The following THSD7B variants were observed in gnomAD, a reference collection of about 807,000 sequenced individuals.
The protein encoded by THSD7B is thrombospondin type-1 domain-containing protein 7B.
In THSD7B, 138 loss-of-function variants were observed where a neutral mutation model predicts 213.6. The observed-to-expected ratio is 0.65, with a 90% CI of 0.56 to 0.74. The LOEUF is 0.74. Ranked by LOEUF, THSD7B falls within the 30% of genes least tolerant of loss-of-function variation. The probability of loss-of-function intolerance (pLI) is 0.00; values close to 1 mark genes in which losing one functional copy is unlikely to be tolerated. For synonymous variants in THSD7B, 742 were observed against 687.0 expected, an observed-to-expected ratio of 1.08 and a Z score of -1.25; for missense variants, 1,931 against 1,991.5, an observed-to-expected ratio of 0.97 and a Z score of 0.58.
rs147205238 is a variant in THSD7B, at chr2:137,272,727, A to T, written c.2396+65A>T. ...TAAATTATAACCTATTTTCTTTCAC[A>T]TAACATATGGTCGTTTGGTGAAAAA... On this transcript the variant is annotated intron_variant, in intron 11 of 27. Coordinates refer to ENST00000409968, the MANE Select transcript of THSD7B (RefSeq NM_001316349.2). 2.5e-5 allele frequency: 39 copies of T among 1,539,248 alleles called. No homozygotes were observed. In the African/African-American group the frequency reaches 5.4e-4, roughly 21 times the overall value.
chr2:137,605,376 C>T (rs1180456834), intron 17 of THSD7B, among the ~76,000 whole-genome samples: 1 of 152,028 alleles, frequency 6.6e-6, no homozygotes, highest in Non-Finnish European at 1.5e-5. Context: ...ACTCAGAGGC[C>T]AGTGTGAGGA....
At chr2:137,026,376 C>A (rs1686556737) in intron 2 of THSD7B, among the ~76,000 whole-genome samples, 1 of 152,144 alleles carries the variant, frequency 6.6e-6, no homozygotes, top group African/African-American at 2.4e-5. Context: ...CTTCCATGGC[C>A]ACATCTGAAG....
chr2:137,363,564 C>T lies in THSD7B; in HGVS notation c.2501-42049C>T, dbSNP rs189976325. On this transcript the variant is annotated intron_variant, in intron 12 of 27. Transcript: ENST00000409968. ...AAAATGATAAAGGGGATATCACCAC[C>T]GATCCCACAGAAATACAAACTACCA... Among the ~76,000 whole-genome samples, 731 of 152,068 alleles carry T rather than the reference C, an allele frequency of 4.8e-3. 3 individuals carry two copies. The highest frequency in any genetic ancestry group is 0.015 in the African/African-American group (629 of 41,486).
At chr2:137,072,556 C>A (rs1458358272) in intron 3 of THSD7B, among the ~76,000 whole-genome samples, 1 of 152,124 alleles carries the variant, frequency 6.6e-6, no homozygotes, top group African/African-American at 2.4e-5. Context: ...CAAATAGGGA[C>A]AATTTGACTT....
intron 12 of THSD7B, among the ~76,000 whole-genome samples, chr2:137,373,712 A>G (rs1685587538): frequency 6.6e-6 from 1 of 152,050 alleles, no homozygotes; most frequent in Admixed American, 6.6e-5. Context: ...ATTAGATTCG[A>G]TTTGTCAATT....
At chr2:137,361,139 C>G (rs1429182003) in intron 12 of THSD7B, among the ~76,000 whole-genome samples, 3 of 152,144 alleles carry the variant, frequency 2.0e-5, no homozygotes, top group Non-Finnish European at 4.4e-5. Flanking sequence ...GCTGAGGGAC[C>G]TGACTGTTAG....
chr2:137,656,886 C>T lies in THSD7B; in HGVS notation c.4196C>T (p.Ser1399Phe). ...AGCTTTGAGACTGTGGGCCGCCAGT[C>T]TAGATCAAGGACTTTTATAATTCAG... ...GRSFETVGRQ[S>F]RSRTFIIQSF... The change falls in exon 23 of 28, where the codon TCT becomes TTT. Residue 1399 changes from serine to phenylalanine, a missense_variant. Ser to Phe is a radical substitution (Grantham distance 155). Coordinates refer to ENST00000409968, the MANE Select transcript of THSD7B (RefSeq NM_001316349.2). 6.2e-7 allele frequency: 1 copy of T among 1,614,030 alleles called. No individual in the cohort carries two copies. The highest frequency in any genetic ancestry group is 8.5e-7 in the Non-Finnish European group (1 of 1,179,896).
At chr2:136,997,854 C>T (rs367784288) in intron 2 of THSD7B, among the ~76,000 whole-genome samples, 8 of 152,068 alleles carry the variant, frequency 5.3e-5, no homozygotes, top group African/African-American at 1.7e-4. Flanking sequence ...TGGGACCCTA[C>T]CACACAGGCC....
intron 12 of THSD7B, among the ~76,000 whole-genome samples, chr2:137,317,478 T>C (rs1190687927): frequency 6.6e-6 from 1 of 152,206 alleles, no homozygotes; most frequent in Non-Finnish European, 1.5e-5. Flanking sequence ...AAACAAATCA[T>C]AAGTACTCTA....
chr2:137,620,567 A>G (rs924846408), intron 19 of THSD7B, 42 bp from the exon 20 acceptor site: 1 of 1,481,616 alleles, frequency 6.7e-7, no homozygotes, highest in Non-Finnish European at 9.4e-7. Context: ...TTGACTAAAG[A>G]GTGATTTCTC....
At chr2:137,599,721 C>T (rs1682039827) in intron 17 of THSD7B, among the ~76,000 whole-genome samples, 2 of 152,186 alleles carry the variant, frequency 1.3e-5, no homozygotes, top group South Asian at 4.1e-4. Flanking sequence ...TTCCTCCCTT[C>T]TTGTATGATA....
chr2:137,287,430 C>T (rs906366025), intron 12 of THSD7B, among the ~76,000 whole-genome samples: 6 of 152,000 alleles, frequency 3.9e-5, no homozygotes, highest in Non-Finnish European at 5.9e-5. Flanking sequence ...TTTTAATCTA[C>T]GTGAATAATG....
At position 137,004,038 on chromosome 2, in the gene THSD7B, C is replaced by A. The variant is rs547670535; in HGVS notation, c.140-52382C>A. 2.6e-5 allele frequency among the ~76,000 whole-genome samples: 4 copies of A among 152,150 alleles called. No homozygotes were observed. In the East Asian group the frequency reaches 7.7e-4, roughly 29 times the overall value. ...CCTGTTGCTTCCTAAAGGAAATGAGCCTTAAGCTGCAATTCCAATGTTGCT... is the reference window on the plus strand; with the variant it reads ...CCTGTTGCTTCCTAAAGGAAATGAGACTTAAGCTGCAATTCCAATGTTGCT... On this transcript the variant is annotated intron_variant, in intron 2 of 27. Transcript: ENST00000409968.
chr2:137,001,446 GATA>G (rs1367543364), intron 2 of THSD7B, among the ~76,000 whole-genome samples: 2 of 152,262 alleles, frequency 1.3e-5, no homozygotes, highest in East Asian at 3.9e-4. Flanking sequence ...TGTTAGCTGA[GATA>G]ATAATTATTA....
intron 6 of THSD7B, 129 bp downstream of exon 6, chr2:137,160,497 T>C: frequency 8.1e-7 from 1 of 1,232,572 alleles, no homozygotes; most frequent in South Asian, 1.7e-5. Context: ...AGCTCAAGCC[T>C]AACGGTATTC....
intron 1 of THSD7B, among the ~76,000 whole-genome samples, chr2:136,814,388 TTTTTA>T (rs1156318419): frequency 6.6e-6 from 1 of 152,000 alleles, no homozygotes; most frequent in Admixed American, 6.5e-5. Context: ...GTTTTTTTTC[TTTTTA>T]TTTTATTATT....
chr2:137,431,225 AG>A (rs1227147799), intron 14 of THSD7B, among the ~76,000 whole-genome samples: 2 of 152,078 alleles, frequency 1.3e-5, no homozygotes, highest in African/African-American at 4.8e-5. Context: ...AAGCAGGGGG[AG>A]GGGGTTTCCA....
At chr2:137,594,407 T>C (rs1385964961) in intron 17 of THSD7B, among the ~76,000 whole-genome samples, 2 of 152,018 alleles carry the variant, frequency 1.3e-5, no homozygotes, top group African/African-American at 4.8e-5. Context: ...ACAGAACTGG[T>C]AAAAATATCT....
chr2:137,472,006 G>C (rs960602141), intron 15 of THSD7B, among the ~76,000 whole-genome samples: 1 of 152,154 alleles, frequency 6.6e-6, no homozygotes, highest in African/African-American at 2.4e-5. Flanking sequence ...AAAGTGGAAA[G>C]GGCTTAGTTC....
Sources: gnomAD v4.1 joint callset for allele counts (sites outside exome capture counted in the v4.1 genomes callset) on GRCh38, gnomAD v4.1.1 for gene constraint, MANE v1.5 for transcripts, NCBI Gene and HGNC (gene_info 2026-07-23, HGNC 2026-07-21) for gene names.